AGAP3: variants seen among roughly 807,000 people sequenced by gnomAD.
AGAP3 encodes arf-GAP with GTPase, ANK repeat and PH domain-containing protein 3.
Under a neutral mutation model 96.9 loss-of-function variants are expected in AGAP3, and 24 were observed. The observed-to-expected ratio is 0.25, with a 90% CI of 0.18 to 0.35. The LOEUF (loss-of-function observed/expected upper bound fraction) is 0.35, where lower values mean the gene tolerates loss of function less well. Ranked by LOEUF, AGAP3 falls within the 10% of genes least tolerant of loss-of-function variation. The pLI is 1.00. For missense variants in AGAP3, 876 were observed against 1,254.2 expected, an observed-to-expected ratio of 0.70 and a Z score of 4.55; for synonymous variants, 563 against 536.1, an observed-to-expected ratio of 1.05 and a Z score of -0.69.
chr7:151,101,331 AG>A (rs1798827084), intron 1 of AGAP3, among the ~76,000 whole-genome samples: 1 of 152,232 alleles, frequency 6.6e-6, no homozygotes, highest in Admixed American at 6.5e-5. Flanking sequence ...TGGAGGGGAC[AG>A]GCCATTATGG....
rs376033645 is a variant in AGAP3 at position 151,128,654 on chromosome 7, C to T, written c.1296C>T (p.Asn432=). The change falls in exon 10 of 18, where the codon AAC becomes AAT. Residue 432 remains asparagine (N), a synonymous_variant. Transcript: ENST00000397238. The part of the protein sequence containing the change: ...WKKKYVTLCD[N]GLLTYHPSLH... ...AGAAGTATGTGACGCTCTGTGACAA[C>T]GGGCTGCTCACCTATCACCCCAGCC... 4.5e-5 allele frequency: 72 copies of T among 1,612,904 alleles called. No individual in the cohort carries two copies. Among genetic ancestry groups the T allele is most frequent in the South Asian group, 1.2e-4 (11 of 91,058 alleles).
rs566625284 is a variant in AGAP3, at chr7:151,138,149, C to T, written c.1502C>T (p.Pro501Leu). The T allele has an allele frequency of 2.7e-5, 43 of 1,597,302 alleles. No homozygotes were observed. Among genetic ancestry groups the T allele is most frequent in the Middle Eastern group, 1.7e-4 (1 of 6,012 alleles). Residue 501 changes from proline (P) to leucine (L), a missense_variant, in exon 12 of 18, where the codon CCC (proline) becomes CTC (leucine). By Grantham distance (98) the Pro-to-Leu change is moderately conservative (BLOSUM62 -3). This residue lies in a region of AGAP3 where 155 missense variants were observed against 144.4 expected (regional missense o/e 1.07). Transcript: ENST00000397238. ...TGACCCTTCCCGCCCCCAGGTGCCC[C>T]CCACTCGGCCAGCAGCGCATCCCTG... is the stretch of plus-strand genomic sequence containing the variant. ...NTQLGGGTGA[P>L]HSASSASLHS...
chr7:151,115,596 G>A (rs17857291), intron 1 of AGAP3: 307,751 of 1,166,252 alleles, frequency 0.26, 41,002 homozygotes, highest in Non-Finnish European at 0.27. Flanking sequence ...GCCGCTGTGG[G>A]GCCGTCGGGC....
chr7:151,086,116 ACC>A (rs1379761630), upstream of AGAP3: 1 of 152,186 alleles, frequency 6.6e-6, no homozygotes, highest in Non-Finnish European at 1.5e-5. Flanking sequence ...GAGATCCGAC[ACC>A]CCGCCCAGAT....
At chr7:151,097,262 G>A (rs549867702) in intron 1 of AGAP3, among the ~76,000 whole-genome samples, 1 of 152,080 alleles carries the variant, frequency 6.6e-6, no homozygotes, top group Non-Finnish European at 1.5e-5. Context: ...CGGGCACTGT[G>A]GCTCACACCT....
At chr7:151,094,458 C>T (rs1798518714) in intron 1 of AGAP3, among the ~76,000 whole-genome samples, 1 of 151,520 alleles carries the variant, frequency 6.6e-6, no homozygotes. Context: ...CCCCGGCACC[C>T]CTTCTTCATC....
At chr7:151,115,001 C>A in intron 1 of AGAP3, 2 of 987,578 alleles carry the variant, frequency 2.0e-6, no homozygotes, top group Non-Finnish European at 2.4e-6. Flanking sequence ...GCCTTTTGCT[C>A]GGCCTCCTGC....
At chr7:151,115,129 C>T in intron 1 of AGAP3, 1 of 1,039,520 alleles carries the variant, frequency 9.6e-7, no homozygotes, top group Non-Finnish European at 1.2e-6. Flanking sequence ...GAGCCGACTC[C>T]GCGGCCCCGG....
At chr7:151,105,724 G>A (rs1434161775) in intron 1 of AGAP3, among the ~76,000 whole-genome samples, 4 of 135,252 alleles carry the variant, frequency 3.0e-5, no homozygotes, top group Non-Finnish European at 4.6e-5. Context: ...CTCTAATCTC[G>A]CCACTGCACT....
intron 1 of AGAP3, chr7:151,115,063 C>T: frequency 2.0e-6 from 2 of 1,014,442 alleles, no homozygotes; most frequent in Non-Finnish European, 1.2e-6. Flanking sequence ...CCCGTCTCGC[C>T]TGCGCCCAGC....
At position 151,139,291 on chromosome 7, in the gene AGAP3, C is replaced by G. The variant is rs994992041; in HGVS notation, c.1667-688C>G. On this transcript the variant is annotated intron_variant, in intron 12 of 17. Coordinates refer to ENST00000397238, the MANE Select transcript of AGAP3 (RefSeq NM_031946.7). This position sits in a 1 kb window ranked among gnomAD's most constrained non-coding sequence, Gnocchi z 4.9. ...AGCACGGGCTGAGGGAGGAGCTGGGCGGTGCCAGCACGGGGATCTGCCCCA... is the reference window on the plus strand; with the variant it reads ...AGCACGGGCTGAGGGAGGAGCTGGGGGGTGCCAGCACGGGGATCTGCCCCA... 1.2e-4 allele frequency among the ~76,000 whole-genome samples: 18 copies of G among 152,180 alleles called. No individual in the cohort carries two copies. Among genetic ancestry groups the G allele is most frequent in the Admixed American group, 2.0e-4 (3 of 15,288 alleles).
intron 1 of AGAP3, among the ~76,000 whole-genome samples, chr7:151,106,624 C>T (rs1365390840): frequency 2.6e-5 from 4 of 152,058 alleles, no homozygotes; most frequent in East Asian, 3.9e-4. Context: ...ATTACAGGCA[C>T]GTACCACCAC....
At chr7:151,137,893 G>A (rs950500247) in intron 11 of AGAP3, 48 of 522,318 alleles carry the variant, frequency 9.2e-5, no homozygotes, top group African/African-American at 4.9e-4. Context: ...GAGACCCCCC[G>A]CCCCGCTCCC....
At chr7:151,128,283 C>G (rs1170126031) in intron 9 of AGAP3, 6 of 406,314 alleles carry the variant, frequency 1.5e-5, no homozygotes, top group African/African-American at 1.2e-4. Flanking sequence ...GGTCTACACC[C>G]CTGACAGGCT....
intron 8 of AGAP3, chr7:151,120,879 C>G: frequency 8.8e-7 from 1 of 1,133,012 alleles, no homozygotes; most frequent in Non-Finnish European, 1.1e-6. Flanking sequence ...TCTCTCCACT[C>G]CCAATGTGCG....
At chr7:151,086,275 A>T (rs1307779137), upstream of AGAP3, among the ~76,000 whole-genome samples, 5 of 141,570 alleles carry the variant, frequency 3.5e-5, no homozygotes, top group Admixed American at 2.2e-4. Flanking sequence ...CCGGGGCGCC[A>T]GGGCTGGAGC....
At chr7:151,087,602 G>A (rs1798213280) in intron 1 of AGAP3, among the ~76,000 whole-genome samples, 1 of 152,158 alleles carries the variant, frequency 6.6e-6, no homozygotes, top group Admixed American at 6.5e-5. Context: ...CGGGCCTGGC[G>A]CTGGGCTGAG....
intron 8 of AGAP3, chr7:151,123,076 A>G: frequency 8.1e-7 from 1 of 1,231,304 alleles, no homozygotes; most frequent in Non-Finnish European, 1.0e-6. Context: ...CGAGGCCCAG[A>G]GGGGCGGGGG....
intron 1 of AGAP3, among the ~76,000 whole-genome samples, chr7:151,093,619 C>T (rs1045425409): frequency 4.9e-4 from 74 of 152,252 alleles, no homozygotes; most frequent in African/African-American, 1.8e-3. Flanking sequence ...TTTCTATTAA[C>T]GACTCTTTGC....
Sources: allele counts gnomAD v4.1 joint callset (sites outside exome capture counted in the v4.1 genomes callset), GRCh38; gene constraint gnomAD v4.1.1; regional missense constraint gnomAD v4.1.1; non-coding constraint Gnocchi (gnomAD v3.1); transcripts MANE v1.5; gene names NCBI Gene and HGNC (gene_info 2026-07-23, HGNC 2026-07-21).